IRF4: variants seen among roughly 807,000 people sequenced by gnomAD.
IRF4 encodes the protein lymphocyte-specific interferon regulatory factor.
A neutral mutation model predicts 55.5 loss-of-function variants in IRF4; 13 were observed. The ratio of observed to expected loss-of-function variants is 0.23; its 90% CI spans 0.15 to 0.37. The LOEUF (loss-of-function observed/expected upper bound fraction) is 0.37. Among genes scored for constraint, IRF4 ranks in the 10% least tolerant of loss-of-function variants. The pLI is 1.00. For missense variants in IRF4, 397 were observed against 593.8 expected (o/e 0.67, Z 3.44); for synonymous variants, 249 against 240.7 (o/e 1.03, Z -0.32).
At position 393,967 on chromosome 6, in the gene IRF4, C is replaced by G. The variant is rs1255667291; in HGVS notation, c.216+599C>G. On this transcript the variant is annotated intron_variant, in intron 2 of 8. Coordinates refer to ENST00000380956, the MANE Select transcript of IRF4 (RefSeq NM_002460.4). The surrounding 1 kb of genome is among the most constrained non-coding windows in gnomAD (Gnocchi z 5.4). ...CTCTCTTTCCCCCATCGCAGTGGAA[C>G]TCAGGGCCTCTGTCTAGAGCTGTCT... is the stretch of plus-strand genomic sequence containing the variant. Among the ~76,000 whole-genome samples the G allele has an allele frequency of 6.6e-6, 1 of 152,184 alleles. No individual in the cohort carries two copies. Among genetic ancestry groups the G allele is most frequent in the Non-Finnish European group, 1.5e-5 (1 of 68,026 alleles).
intron 7 of IRF4, among the ~76,000 whole-genome samples, chr6:403,020 C>T (rs763286847): frequency 1.4e-4 from 22 of 152,266 alleles, no homozygotes; most frequent in Admixed American, 9.2e-4. Context: ...CAGGACAGAG[C>T]GAGACTCCAT....
intron 7 of IRF4, among the ~76,000 whole-genome samples, chr6:402,090 C>T (rs1022731881): frequency 1.5e-4 from 23 of 152,136 alleles, no homozygotes; most frequent in African/African-American, 5.1e-4. Flanking sequence ...GCTGATGTGG[C>T]GGCTCTTTTC....
At position 401,464 on chromosome 6, in the gene IRF4, C is replaced by T. The variant is rs41301855; in HGVS notation, c.786C>T (p.Leu262=). The change falls in exon 7 of 9, where the codon CTC becomes CTT. Residue 262 remains leucine (L), a synonymous_variant. Transcript: ENST00000380956. ...TCTGCCTGTACTACCGGGAAATCCT[C>T]GTGAAGGAGCTGACCACGTCCAGCC... ...LHICLYYREI[L]VKELTTSSPE... The T allele has an allele frequency of 9.2e-4, 1,491 of 1,613,704 alleles. 3 individuals are homozygous for T. The highest frequency in any genetic ancestry group is 1.2e-3 in the Middle Eastern group (7 of 6,052).
At chr6:398,179 AC>A (rs1561713807) in intron 5 of IRF4, among the ~76,000 whole-genome samples, 1 of 152,230 alleles carries the variant, frequency 6.6e-6, no homozygotes, top group Non-Finnish European at 1.5e-5. Context: ...TGAAATTCAG[AC>A]TTGCGTTTAC....
intron 8 of IRF4, chr6:406,838 C>A: frequency 8.6e-7 from 1 of 1,168,662 alleles, no homozygotes; most frequent in Non-Finnish European, 1.1e-6. Flanking sequence ...GGAGAGCATT[C>A]AGCTTGCCTT....
intron 7 of IRF4, among the ~76,000 whole-genome samples, chr6:402,075 C>G (rs1015479091): frequency 6.6e-6 from 1 of 152,186 alleles, no homozygotes; most frequent in Non-Finnish European, 1.5e-5. Flanking sequence ...TCGACAAATA[C>G]GTCTGCTGAT....
chr6:402,346 G>A (rs539152346), intron 7 of IRF4, among the ~76,000 whole-genome samples: 3 of 152,240 alleles, frequency 2.0e-5, no homozygotes, highest in African/African-American at 7.2e-5. Flanking sequence ...ACAATTCAGC[G>A]AACCTCTGGC....
At chr6:395,761 C>G in intron 3 of IRF4, 86 bp from the exon 4 acceptor site, 2 of 952,238 alleles carry the variant, frequency 2.1e-6, no homozygotes, top group Admixed American at 2.1e-5. Flanking sequence ...GAATTAAATG[C>G]TCAGGTATTT....
chr6:395,997 C>A, intron 4 of IRF4, 62 bp downstream of exon 4: 1 of 1,329,914 alleles, frequency 7.5e-7, no homozygotes, highest in Non-Finnish European at 1.1e-6. Context: ...GCCCACATGG[C>A]CAGAGAACCA....
In IRF4 at chr6:393,569, A is replaced by G. The variant is rs1239172317; in HGVS notation, c.216+201A>G. Among the ~76,000 whole-genome samples, 4 of 151,948 alleles carry G rather than the reference A, an allele frequency of 2.6e-5. No homozygotes were observed. Among genetic ancestry groups the G allele is most frequent in the Non-Finnish European group, 5.9e-5 (4 of 67,934 alleles). ...TCTCAGCGGGACCGCGGGGGCCGGG[A>G]GCCGGGTCCTGGGCGCGTGGAGGCT... is the stretch of plus-strand genomic sequence containing the variant. On this transcript the variant is annotated intron_variant, in intron 2 of 8. Coordinates refer to ENST00000380956, the MANE Select transcript of IRF4 (RefSeq NM_002460.4). The surrounding 1 kb of genome is among the most constrained non-coding windows in gnomAD (Gnocchi z 5.4).
At position 408,336 on chromosome 6, in the gene IRF4, G is replaced by A. The variant is rs1469170756; in HGVS notation, c.*738G>A. Reference sequence around the variant, plus strand: ...AAGCCGTGCCTGTAGCCTTGGGGAGGCCCATCCCCCACCTGCCAGCGGTTT... The same window carrying A: ...AAGCCGTGCCTGTAGCCTTGGGGAGACCCATCCCCCACCTGCCAGCGGTTT... On this transcript the variant is annotated 3_prime_UTR_variant, in exon 9 of 9. Transcript: ENST00000380956. The A allele has an allele frequency of 4.3e-5, 10 of 231,828 alleles. No individual in the cohort carries two copies. In the Admixed American group the frequency reaches 5.6e-4, roughly 13 times the overall value. The allele number at this position is 231,828 out of a possible 1,614,324, so 14.4% of individuals were successfully genotyped here.
chr6:393,426 G>C lies in IRF4; in HGVS notation c.216+58G>C. On this transcript the variant is annotated intron_variant, in intron 2 of 8. Transcript: ENST00000380956. The surrounding 1 kb of genome is among the most constrained non-coding windows in gnomAD (Gnocchi z 5.4). ...CGGGGAGGGCCCAGAGACAGAGCCCGGGGTCCCCGGCGCCGCCTCCGAGGC... is the reference window on the plus strand; with the variant it reads ...CGGGGAGGGCCCAGAGACAGAGCCCCGGGTCCCCGGCGCCGCCTCCGAGGC... The C allele has an allele frequency of 1.6e-6, 2 of 1,278,584 alleles. No homozygotes were observed. Among genetic ancestry groups the C allele is most frequent in the Non-Finnish European group, 2.1e-6 (2 of 972,390 alleles). The allele number at this position is 1,278,584 out of a possible 1,614,324, so 79.2% of individuals were successfully genotyped here. A position where few individuals can be genotyped will look rare whatever the true frequency, so the allele number is the denominator to read the frequency against.
chr6:401,874 C>A, intron 7 of IRF4, 97 bp downstream of exon 7: 1 of 1,104,824 alleles, frequency 9.1e-7, no homozygotes, highest in South Asian at 1.5e-5. Flanking sequence ...AGGCTGAGGT[C>A]TTCCTCCTGT....
intron 6 of IRF4, 71 bp downstream of exon 6, chr6:399,006 G>A: frequency 9.2e-7 from 1 of 1,088,614 alleles, no homozygotes; most frequent in South Asian, 1.5e-5. Context: ...TCATCTTTGG[G>A]CAGATTCGAT....
rs113279656 is a variant in IRF4 at position 406,714 on chromosome 6, G to C, written c.1213-741G>C. ...TGGTCCATAAAATGAATAAACACACGTGTACACCTATGAGTTCCACTTTTA... is the reference window on the plus strand; with the variant it reads ...TGGTCCATAAAATGAATAAACACACCTGTACACCTATGAGTTCCACTTTTA... On this transcript the variant is annotated intron_variant, in intron 8 of 8. Coordinates refer to ENST00000380956, the MANE Select transcript of IRF4 (RefSeq NM_002460.4). The C allele has an allele frequency of 1.9e-3, 1,901 of 1,003,758 alleles. 25 individuals carry two copies. The African/African-American group carries it at 0.028, about 15-fold the overall frequency. The allele number at this position is 1,003,758 out of a possible 1,614,324, so 62.2% of individuals were successfully genotyped here.
In IRF4 at chr6:410,307, T is replaced by C. The variant is rs866835536; in HGVS notation, c.*2709T>C. 4.4e-6 allele frequency: 1 copy of C among 227,236 alleles called. No individual in the cohort carries two copies. The highest frequency in any genetic ancestry group is 2.2e-5 in the African/African-American group (1 of 45,172). 14.1% of individuals were successfully genotyped at this position (227,236 alleles called of 1,614,324 possible). A position where few individuals can be genotyped will look rare whatever the true frequency, so the allele number is the denominator to read the frequency against. On this transcript the variant is annotated 3_prime_UTR_variant, in exon 9 of 9. Transcript: ENST00000380956. ...TATTTAGGAAAACCTCAAGCAGTAA[T>C]TAATATCTCCTGGAACACTATAGAG...
chr6:392,770 G>A (rs1761141051), intron 1 of IRF4, among the ~76,000 whole-genome samples: 1 of 152,230 alleles, frequency 6.6e-6, no homozygotes, highest in Non-Finnish European at 1.5e-5. Context: ...GGGCCAGGAG[G>A]GGTGGCGGCT....
chr6:393,134 C>G lies in IRF4; in HGVS notation c.-19C>G, dbSNP rs1039063109. The stretch of plus-strand genomic sequence containing the variant: ...GCGGGCGGAGGACCCCGGGCGCGGG[C>G]GCGGACGGCACGCGGGGCATGAACC... On this transcript the variant is annotated 5_prime_UTR_variant, in exon 2 of 9. Coordinates refer to ENST00000380956, the MANE Select transcript of IRF4 (RefSeq NM_002460.4). This position sits in a 1 kb window ranked among gnomAD's most constrained non-coding sequence, Gnocchi z 5.4. 2 of 1,544,100 alleles carry G rather than the reference C, an allele frequency of 1.3e-6. No homozygotes were observed. The highest frequency in any genetic ancestry group is 3.9e-5 in the Admixed American group (2 of 50,738).
intron 7 of IRF4, among the ~76,000 whole-genome samples, chr6:402,424 TGGAGGGAGCCTCCCGCGTG>T (rs372816317): frequency 6.6e-6 from 1 of 151,750 alleles, no homozygotes; most frequent in African/African-American, 2.4e-5. Flanking sequence ...GCTGTCCAGG[TGGAGGGAGCCTCCCGCGTG>T]GGAGGGAGCT....
Sources: gnomAD v4.1 joint callset for allele counts (sites outside exome capture counted in the v4.1 genomes callset) on GRCh38, gnomAD v4.1.1 for gene constraint, Gnocchi (gnomAD v3.1) non-coding constraint, MANE v1.5 for transcripts, NCBI Gene and HGNC (gene_info 2026-07-23, HGNC 2026-07-21) for gene names.